Variants in PCDH7 observed in about 807,000 individuals in gnomAD.
PCDH7 encodes protocadherin-7.
In PCDH7, 17 loss-of-function variants were observed where a neutral mutation model predicts 58.9. The observed-to-expected ratio is 0.29, with a 90% CI of 0.20 to 0.43. PCDH7 has a LOEUF of 0.43. Among genes scored for constraint, PCDH7 ranks in the 20% least tolerant of loss-of-function variants. PCDH7 has a pLI of 1.00. For missense variants in PCDH7, 1,274 were observed against 1,441.0 expected, an observed-to-expected ratio of 0.88 and a Z score of 1.88; for synonymous variants, 664 against 616.4, an observed-to-expected ratio of 1.08 and a Z score of -1.14.
At chr4:30,960,600 A>T (rs1748319818) in intron 3 of PCDH7, among the ~76,000 whole-genome samples, 1 of 152,240 alleles carries the variant, frequency 6.6e-6, no homozygotes, top group African/African-American at 2.4e-5. Flanking sequence ...ATCACAGTGT[A>T]AACATCAGAT....
intron 1 of PCDH7, among the ~76,000 whole-genome samples, chr4:30,877,229 G>A (rs896140731): frequency 8.5e-5 from 13 of 152,118 alleles, no homozygotes; most frequent in African/African-American, 2.9e-4. Flanking sequence ...AGCTAGACAG[G>A]CCAGAGCTAA....
chr4:31,139,874 A>G (rs1235200546), intron 3 of PCDH7, among the ~76,000 whole-genome samples: 2 of 152,216 alleles, frequency 1.3e-5, no homozygotes, highest in Non-Finnish European at 2.9e-5. Flanking sequence ...GTGGTCCCCA[A>G]TCAAGTGTTT....
At chr4:30,951,940 T>A (rs1747409458) in intron 3 of PCDH7, among the ~76,000 whole-genome samples, 1 of 152,160 alleles carries the variant, frequency 6.6e-6, no homozygotes, top group African/African-American at 2.4e-5. Context: ...ACAGTATTTG[T>A]TACTCACTAA....
chr4:30,833,097 T>C (rs989372027), intron 1 of PCDH7, among the ~76,000 whole-genome samples: 4 of 152,162 alleles, frequency 2.6e-5, no homozygotes, highest in Non-Finnish European at 5.9e-5. Flanking sequence ...GGAGGGCTTA[T>C]TTGGAATGTG....
intron 1 of PCDH7, among the ~76,000 whole-genome samples, chr4:30,760,936 A>G (rs1719944386): frequency 6.6e-6 from 1 of 152,164 alleles, no homozygotes; most frequent in Non-Finnish European, 1.5e-5. Flanking sequence ...TACACCCTGC[A>G]TTAAGAAAGA....
chr4:30,805,930 T>G (rs1726138047), intron 1 of PCDH7, among the ~76,000 whole-genome samples: 1 of 152,216 alleles, frequency 6.6e-6, no homozygotes, highest in Non-Finnish European at 1.5e-5. Flanking sequence ...CTGAAATGCT[T>G]GGGACCAGAA....
At chr4:30,847,157 T>C (rs1732080967) in intron 1 of PCDH7, among the ~76,000 whole-genome samples, 1 of 151,972 alleles carries the variant, frequency 6.6e-6, no homozygotes, top group African/African-American at 2.4e-5. Flanking sequence ...AAAGAATGCA[T>C]TTTTTTAAAA....
At chr4:31,043,633 T>TTTTG (rs748232782) in intron 3 of PCDH7, among the ~76,000 whole-genome samples, 3 of 152,046 alleles carry the variant, frequency 2.0e-5, no homozygotes, top group Non-Finnish European at 4.4e-5. Context: ...TAATGGGGTT[T>TTTTG]TTTGTTTGTT....
intron 1 of PCDH7, among the ~76,000 whole-genome samples, chr4:30,817,016 G>T (rs1222218701): frequency 6.6e-6 from 1 of 152,124 alleles, no homozygotes; most frequent in Admixed American, 6.5e-5. Context: ...GTCATATCAA[G>T]AGAAGTCATT....
rs748148812 is a variant in PCDH7, at chr4:30,723,561, G to A, written c.2139G>A (p.Lys713=). The change falls in exon 1 of 2, where the codon AAG becomes AAA. Residue 713 remains lysine (K), a synonymous_variant. Transcript: ENST00000361762. This position sits in a 1 kb window ranked among gnomAD's most constrained non-coding sequence, Gnocchi z 4.6. ...AGACCACATACACTTTCAGAGTCAA[G>A]GCTGTGGATGGGGGAGATCCTCCCA... The A allele has an allele frequency of 1.9e-6, 3 of 1,614,138 alleles. No homozygotes were observed. The highest frequency in any genetic ancestry group is 1.1e-5 in the South Asian group (1 of 91,086).
At chr4:31,114,095 A>C (rs1394141852) in intron 3 of PCDH7, among the ~76,000 whole-genome samples, 2 of 152,106 alleles carry the variant, frequency 1.3e-5, no homozygotes, top group Non-Finnish European at 2.9e-5. Context: ...TGGCCTCTCA[A>C]ATTGCTGGAA....
intron 1 of PCDH7, among the ~76,000 whole-genome samples, chr4:30,793,517 G>A (rs1724398354): frequency 6.6e-6 from 1 of 151,638 alleles, no homozygotes; most frequent in South Asian, 2.1e-4. Flanking sequence ...TATTCCCAAC[G>A]GGTTTAGTGA....
intron 1 of PCDH7, among the ~76,000 whole-genome samples, chr4:30,863,050 A>G (rs1734411939): frequency 6.6e-6 from 1 of 152,156 alleles, no homozygotes; most frequent in Admixed American, 6.6e-5. Flanking sequence ...CAGCTTTGGC[A>G]TTACCAATAA....
At chr4:30,980,339 T>C (rs1750442118) in intron 3 of PCDH7, among the ~76,000 whole-genome samples, 1 of 152,196 alleles carries the variant, frequency 6.6e-6, no homozygotes, top group African/African-American at 2.4e-5. Flanking sequence ...GTACAACTAA[T>C]ATAAATTGTT....
At chr4:30,861,700 T>C (rs1416832512) in intron 1 of PCDH7, among the ~76,000 whole-genome samples, 3 of 152,170 alleles carry the variant, frequency 2.0e-5, no homozygotes, top group Non-Finnish European at 2.9e-5. Context: ...TTGTTGTTGC[T>C]CTTTTTGAGA....
intron 1 of PCDH7, among the ~76,000 whole-genome samples, chr4:30,867,066 A>G (rs898932361): frequency 1.3e-5 from 2 of 152,004 alleles, no homozygotes; most frequent in Admixed American, 1.3e-4. Context: ...TACCATCTAG[A>G]TGGAATTAGA....
At chr4:30,871,332 G>C (rs1278293440) in intron 1 of PCDH7, among the ~76,000 whole-genome samples, 20 of 152,030 alleles carry the variant, frequency 1.3e-4, no homozygotes, top group Admixed American at 1.3e-3. Context: ...TCAGTGTTCA[G>C]ACTTTTTTCA....
intron 3 of PCDH7, among the ~76,000 whole-genome samples, chr4:31,038,171 G>C (rs1755566402): frequency 6.6e-6 from 1 of 152,176 alleles, no homozygotes; most frequent in South Asian, 2.1e-4. Context: ...CAAACTACTT[G>C]CTTCTGGGGA....
intron 1 of PCDH7, among the ~76,000 whole-genome samples, chr4:30,758,287 G>A (rs917650467): frequency 4.6e-5 from 7 of 152,146 alleles, no homozygotes; most frequent in African/African-American, 1.7e-4. Context: ...CTGGAGACCA[G>A]CATGGTGGGA....
Sources: allele counts gnomAD v4.1 joint callset (sites outside exome capture counted in the v4.1 genomes callset), GRCh38; gene constraint gnomAD v4.1.1; non-coding constraint Gnocchi (gnomAD v3.1); transcripts MANE v1.5; gene names NCBI Gene and HGNC (gene_info 2026-07-23, HGNC 2026-07-21).